The following ETV1 variants were observed in gnomAD, a reference collection of about 807,000 sequenced individuals.
The protein encoded by ETV1 is ETS translocation variant 1.
ETV1 carries 27 observed loss-of-function variants against 62.3 expected under a neutral mutation model. The observed-to-expected ratio is 0.43, with a 90% CI of 0.32 to 0.60. The LOEUF is 0.60. Among genes scored for constraint, ETV1 ranks in the 20% least tolerant of loss-of-function variants. ETV1 has a pLI of 0.06. For missense variants in ETV1, 605 were observed against 605.8 expected (o/e 1.00, Z 0.01); for synonymous variants, 222 against 199.6 (o/e 1.11, Z -0.94).
intron 6 of ETV1, among the ~76,000 whole-genome samples, chr7:13,955,154 C>T (rs1223130553): frequency 6.6e-6 from 1 of 151,910 alleles, no homozygotes; most frequent in Non-Finnish European, 1.5e-5. Context: ...TAATTTTTAC[C>T]CCAAAATAAA....
chr7:13,924,352 C>G (rs1267362580), intron 9 of ETV1, among the ~76,000 whole-genome samples: 2 of 152,152 alleles, frequency 1.3e-5, no homozygotes, highest in East Asian at 1.9e-4. Context: ...ATTTTTCAGT[C>G]TTTTTCAAAA....
intron 9 of ETV1, among the ~76,000 whole-genome samples, chr7:13,917,332 T>TTATTTATTTA (rs1181828649): frequency 6.8e-6 from 1 of 147,208 alleles, no homozygotes; most frequent in East Asian, 2.0e-4. Flanking sequence ...ATTTATTTAT[T>TTATTTATTTA]TTGAGACGGA....
intron 10 of ETV1, chr7:13,910,639 T>C (rs1311964891): frequency 6.2e-6 from 1 of 160,968 alleles, no homozygotes; most frequent in Admixed American, 6.5e-5. Flanking sequence ...CATGCACATA[T>C]TTCAGAAATC....
At chr7:13,960,175 A>T (rs1457797702) in intron 6 of ETV1, among the ~76,000 whole-genome samples, 1 of 152,154 alleles carries the variant, frequency 6.6e-6, no homozygotes, top group Non-Finnish European at 1.5e-5. Context: ...CTGTCTAGGG[A>T]AGATATGCTA....
intron 7 of ETV1, among the ~76,000 whole-genome samples, chr7:13,937,922 G>T (rs1193292663): frequency 1.3e-5 from 2 of 152,162 alleles, no homozygotes. Context: ...GCATTGGTCA[G>T]CTGCCATAAT....
At chr7:13,948,005 C>T (rs1179980893) in intron 6 of ETV1, among the ~76,000 whole-genome samples, 1 of 152,178 alleles carries the variant, frequency 6.6e-6, no homozygotes, top group Non-Finnish European at 1.5e-5. Context: ...GACCTTAGTA[C>T]TATATTCTTG....
At chr7:13,937,759 T>C (rs1786980674) in intron 7 of ETV1, among the ~76,000 whole-genome samples, 1 of 152,236 alleles carries the variant, frequency 6.6e-6, no homozygotes, top group Non-Finnish European at 1.5e-5. Context: ...CTGAACTCAT[T>C]ATGCTTTAAT....
chr7:13,900,592 T>C (rs1010326784), intron 13 of ETV1, 146 bp downstream of exon 13: 5 of 593,186 alleles, frequency 8.4e-6, no homozygotes, highest in Non-Finnish European at 1.5e-5. Context: ...TAGAAAGGCT[T>C]GTAATACCAA....
chr7:13,953,632 G>A (rs1789074018), intron 6 of ETV1, among the ~76,000 whole-genome samples: 1 of 150,468 alleles, frequency 6.6e-6, no homozygotes, highest in African/African-American at 2.5e-5. Flanking sequence ...CCTGGCTACT[G>A]AGTGACTATG....
At chr7:13,930,577 T>C (rs1407538192) in intron 9 of ETV1, among the ~76,000 whole-genome samples, 2 of 151,962 alleles carry the variant, frequency 1.3e-5, no homozygotes, top group East Asian at 1.9e-4. Flanking sequence ...CACCTCGGCC[T>C]CCCAAAGTGC....
intron 10 of ETV1, among the ~76,000 whole-genome samples, chr7:13,910,674 G>A (rs1316201893): frequency 3.9e-5 from 6 of 152,082 alleles, no homozygotes; most frequent in Non-Finnish European, 5.9e-5. Context: ...ATATCCAGAC[G>A]AAATCATTTT....
At position 13,894,477 on chromosome 7, in the gene ETV1, G is replaced by A. The variant is rs1781603831; in HGVS notation, c.*1389C>T. The A allele has an allele frequency of 8.6e-6, 2 of 232,340 alleles. No homozygotes were observed. The highest frequency in any genetic ancestry group is 1.8e-4 in the South Asian group (1 of 5,524). 14.4% of individuals were successfully genotyped at this position (232,340 alleles called of 1,614,324 possible). A position where few individuals can be genotyped will look rare whatever the true frequency, so the allele number is the denominator to read the frequency against. ...ATCAGTGCCAGCACTATGTCATACA[G>A]CAACTTCCTCATATTCTTTGACGGT... is the stretch of plus-strand genomic sequence containing the variant. On this transcript the variant is annotated 3_prime_UTR_variant, in exon 14 of 14. Coordinates refer to ENST00000430479, the MANE Select transcript of ETV1 (RefSeq NM_004956.5).
chr7:13,904,154 G>T (rs79525187), intron 12 of ETV1, among the ~76,000 whole-genome samples: 2,088 of 152,274 alleles, frequency 0.014, 62 homozygotes, highest in African/African-American at 0.048. Context: ...AGACCCTACA[G>T]TCATTGCCTG....
intron 8 of ETV1, among the ~76,000 whole-genome samples, chr7:13,931,988 G>A (rs755265395): frequency 2.2e-4 from 34 of 151,662 alleles, no homozygotes; most frequent in South Asian, 4.2e-4. Context: ...ATGAGTTAAA[G>A]ATGTACTTTG....
At chr7:13,960,102 A>G (rs1789993292) in intron 6 of ETV1, among the ~76,000 whole-genome samples, 2 of 152,104 alleles carry the variant, frequency 1.3e-5, no homozygotes, top group Admixed American at 1.3e-4. Flanking sequence ...TTGCTAGTGG[A>G]GGACAATGGA....
intron 7 of ETV1, among the ~76,000 whole-genome samples, chr7:13,938,742 A>G (rs1393173072): frequency 6.6e-6 from 1 of 152,226 alleles, no homozygotes; most frequent in Non-Finnish European, 1.5e-5. Flanking sequence ...CAGATAACTA[A>G]TGTACTGCTC....
intron 9 of ETV1, among the ~76,000 whole-genome samples, chr7:13,925,466 C>T (rs1286765441): frequency 2.6e-5 from 4 of 152,158 alleles, no homozygotes; most frequent in Non-Finnish European, 5.9e-5. Flanking sequence ...AAGTCATTTA[C>T]GCTTACAACG....
intron 6 of ETV1, among the ~76,000 whole-genome samples, chr7:13,964,117 C>T (rs949000023): frequency 3.3e-5 from 5 of 152,118 alleles, no homozygotes; most frequent in African/African-American, 9.7e-5. Context: ...GGCCCCAGTG[C>T]CAAGGACTAG....
intron 6 of ETV1, among the ~76,000 whole-genome samples, chr7:13,941,478 G>A (rs941325191): frequency 1.3e-5 from 2 of 152,294 alleles, no homozygotes; most frequent in South Asian, 4.1e-4. Flanking sequence ...TGAAGGGCAG[G>A]AGGGAATTAA....
Sources: gnomAD v4.1 joint callset for allele counts (sites outside exome capture counted in the v4.1 genomes callset) on GRCh38, gnomAD v4.1.1 for gene constraint, MANE v1.5 for transcripts, NCBI Gene and HGNC (gene_info 2026-07-23, HGNC 2026-07-21) for gene names.